Variants in EVC2 observed in about 807,000 individuals in gnomAD.
EVC2 encodes EvC ciliary complex subunit 2.
A neutral mutation model predicts 149.3 loss-of-function variants in EVC2; 148 were observed. That is an observed-to-expected ratio of 0.99 (90% CI 0.87 to 1.14). The LOEUF is 1.14. EVC2 is among the 50% of genes most tolerant of loss of function. The pLI is 0.00. For synonymous variants in EVC2, 776 were observed against 649.9 expected (o/e 1.19, Z -2.95); for missense variants, 1,854 against 1,627.3 (o/e 1.14, Z -2.40).
At chr4:5,544,966 A>G (rs1290809011) in intron 21 of EVC2, among the ~76,000 whole-genome samples, 1 of 152,188 alleles carries the variant, frequency 6.6e-6, no homozygotes, top group African/African-American at 2.4e-5. Flanking sequence ...CTGCACCTCA[A>G]GCCTGAGCAC....
chr4:5,660,776 G>A (rs557694644), intron 9 of EVC2, among the ~76,000 whole-genome samples: 2 of 152,298 alleles, frequency 1.3e-5, no homozygotes, highest in Admixed American at 6.5e-5. Context: ...GAGAAAACTA[G>A]GCTCAGAGAA....
intron 7 of EVC2, among the ~76,000 whole-genome samples, chr4:5,678,945 C>T (rs895144560): frequency 6.6e-5 from 10 of 151,698 alleles, no homozygotes; most frequent in Admixed American, 6.6e-5. Context: ...GCAGGAGAAT[C>T]GCTTGAATCT....
In EVC2 at chr4:5,696,131, T is replaced by A. The variant is rs184742831; in HGVS notation, c.283+1462A>T. ...ATATGGGTGCAAGTGAGACCGGACA[T>A]CCATCTCCGGACCCCAGCACAGCAC... On this transcript the variant is annotated intron_variant, in intron 2 of 21. Transcript: ENST00000344408. This position sits in a 1 kb window ranked among gnomAD's most constrained non-coding sequence, Gnocchi z 4.1. Among the ~76,000 whole-genome samples the A allele has an allele frequency of 5.2e-3, 796 of 152,162 alleles. 21 individuals are homozygous for A. Among genetic ancestry groups the A allele is most frequent in the Non-Finnish European group, 9.7e-4 (66 of 68,002 alleles).
intron 20 of EVC2, among the ~76,000 whole-genome samples, chr4:5,568,061 A>G (rs1263953319): frequency 6.6e-6 from 1 of 152,190 alleles, no homozygotes; most frequent in Non-Finnish European, 1.5e-5. Context: ...CAACACACTC[A>G]CACATTTACA....
At chr4:5,634,211 A>T (rs542984389) in intron 10 of EVC2, among the ~76,000 whole-genome samples, 10 of 152,364 alleles carry the variant, frequency 6.6e-5, no homozygotes, top group African/African-American at 2.2e-4. Context: ...ATTTTATAAC[A>T]AAGGATTAGA....
At chr4:5,664,413 C>T (rs1719116315) in intron 8 of EVC2, among the ~76,000 whole-genome samples, 1 of 152,224 alleles carries the variant, frequency 6.6e-6, no homozygotes, top group South Asian at 2.1e-4. Context: ...CATACTCTTG[C>T]TTTCCTCTGT....
chr4:5,690,032 TAA>T (rs1364422525), intron 4 of EVC2, among the ~76,000 whole-genome samples: 2 of 152,120 alleles, frequency 1.3e-5, no homozygotes, highest in Admixed American at 1.3e-4. Context: ...CTCTGGAATA[TAA>T]GAAGTGATAA....
Position 5,622,897 on chromosome 4 carries a change from A to G in EVC2, c.2141T>C (p.Met714Thr), listed in dbSNP as rs1264280661. Residue 714 changes from methionine (M) to threonine (T), a missense_variant, in exon 14 of 22, where the codon ATG becomes ACG. Coordinates refer to ENST00000344408, the MANE Select transcript of EVC2 (RefSeq NM_147127.5). This position sits in a 1 kb window ranked among gnomAD's most constrained non-coding sequence, Gnocchi z 5.8. ...CTCCAGGGTGGCACCGTGCTCCTCC[A>G]TCAGGCTCCTCTTCTGGTGCAGGTA... The part of the protein sequence containing the change: ...GQYLHQKRSL[M>T]EEHGATLEEL... The G allele has an allele frequency of 1.9e-6, 3 of 1,613,964 alleles. No homozygotes were observed. The highest frequency in any genetic ancestry group is 2.5e-6 in the Non-Finnish European group (3 of 1,180,034).
chr4:5,691,732 C>G (rs951171242), intron 3 of EVC2, among the ~76,000 whole-genome samples: 1 of 152,144 alleles, frequency 6.6e-6, no homozygotes, highest in African/African-American at 2.4e-5. Flanking sequence ...GAACAAAGGG[C>G]AGTGTGTCTG....
chr4:5,654,936 T>A (rs1718411831), intron 9 of EVC2, among the ~76,000 whole-genome samples: 1 of 152,232 alleles, frequency 6.6e-6, no homozygotes, highest in Non-Finnish European at 1.5e-5. Flanking sequence ...CCTCTCTTCC[T>A]GCAGACAGTG....
At position 5,665,635 on chromosome 4, in the gene EVC2, G is replaced by A. The variant is rs752378780; in HGVS notation, c.885C>T (p.His295=). The A allele has an allele frequency of 1.7e-5, 27 of 1,614,180 alleles. No individual in the cohort carries two copies. Among genetic ancestry groups the A allele is most frequent in the Middle Eastern group, 1.6e-4 (1 of 6,062 alleles). Residue 295 remains histidine, a synonymous_variant, in exon 8 of 22, where the codon CAC becomes CAT. Transcript: ENST00000344408. ...AEENVTVLPH[H]GLHAAGFFIA... ...TGAAGAACCCTGCTGCGTGGAGGCC[G>A]TGGTGCGGCAGAACCTGTGGAGACA...
rs114855354 is a variant in EVC2 at position 5,698,384 on chromosome 4, C to T, written c.229-737G>A. 4.8e-3 allele frequency among the ~76,000 whole-genome samples: 732 copies of T among 152,216 alleles called. 4 individuals are homozygous for T. The highest frequency in any genetic ancestry group is 0.017 in the African/African-American group (702 of 41,540). On this transcript the variant is annotated intron_variant, in intron 1 of 21. Transcript: ENST00000344408. ...GGAGAGAACTGGACTCTAGCTGGAACCATTTATTCACTGTGTGTCCTTGGC... is the reference window on the plus strand; with the variant it reads ...GGAGAGAACTGGACTCTAGCTGGAATCATTTATTCACTGTGTGTCCTTGGC...
chr4:5,609,276 T>C (rs1334164409), intron 16 of EVC2, among the ~76,000 whole-genome samples: 1 of 152,220 alleles, frequency 6.6e-6, no homozygotes, highest in Admixed American at 6.5e-5. Context: ...ATTAATATCA[T>C]GATCAAGCAA....
At chr4:5,662,601 T>C (rs1718967965) in intron 9 of EVC2, among the ~76,000 whole-genome samples, 1 of 144,648 alleles carries the variant, frequency 6.9e-6, no homozygotes. Context: ...TTATTTTAAT[T>C]ATATTTAAAT....
intron 14 of EVC2, among the ~76,000 whole-genome samples, chr4:5,620,328 CTT>C (rs780639828): frequency 2.0e-5 from 3 of 152,190 alleles, no homozygotes; most frequent in East Asian, 1.9e-4. Flanking sequence ...CCTGAGCACT[CTT>C]GTCTTAATCC....
chr4:5,619,280 G>A (rs934694354), intron 14 of EVC2, among the ~76,000 whole-genome samples: 2 of 152,106 alleles, frequency 1.3e-5, no homozygotes, highest in African/African-American at 4.8e-5. Flanking sequence ...TTGGAAATAG[G>A]GTATTTACAA....
chr4:5,548,033 G>C (rs1191945285), intron 21 of EVC2, among the ~76,000 whole-genome samples: 1 of 152,112 alleles, frequency 6.6e-6, no homozygotes, highest in African/African-American at 2.4e-5. Context: ...GCCCACGCCG[G>C]CACCTGGAGC....
At chr4:5,575,426 A>T (rs1224791308) in intron 18 of EVC2, among the ~76,000 whole-genome samples, 1 of 152,206 alleles carries the variant, frequency 6.6e-6, no homozygotes, top group Non-Finnish European at 1.5e-5. Context: ...CCAACCACGC[A>T]GATGGGGCCC....
intron 12 of EVC2, among the ~76,000 whole-genome samples, chr4:5,626,627 C>A (rs991541777): frequency 4.6e-5 from 7 of 152,098 alleles, no homozygotes; most frequent in Non-Finnish European, 1.0e-4. Flanking sequence ...AGCTACTGCG[C>A]CTGGCCGAAA....
Sources: gnomAD v4.1 joint callset for allele counts (sites outside exome capture counted in the v4.1 genomes callset) on GRCh38, gnomAD v4.1.1 for gene constraint, Gnocchi (gnomAD v3.1) non-coding constraint, MANE v1.5 for transcripts, NCBI Gene and HGNC (gene_info 2026-07-23, HGNC 2026-07-21) for gene names.